Variants in TFF1 observed in about 807,000 individuals in gnomAD.
TFF1 encodes breast cancer estrogen-inducible protein.
Under a neutral mutation model 7.7 loss-of-function variants are expected in TFF1, and 8 were observed. The observed-to-expected ratio is 1.04, with a 90% CI of 0.61 to 1.87. TFF1 has a LOEUF of 1.87. Ranked by LOEUF, TFF1 falls within the 40% of genes most tolerant of loss-of-function variation. The pLI is 0.00. For synonymous variants in TFF1, 47 were observed against 44.8 expected (o/e 1.05, Z -0.19); for missense variants, 120 against 113.4 (o/e 1.06, Z -0.26).
chr21:42,363,537 C>T (rs576965436), intron 1 of TFF1, 130 bp from the exon 2 acceptor site: 3 of 1,213,250 alleles, frequency 2.5e-6, no homozygotes, highest in Non-Finnish European at 3.4e-6. Context: ...ATAAAACCCT[C>T]AGGACATGAG....
At chr21:42,366,319 G>A (rs2052278700) in intron 1 of TFF1, 92 bp downstream of exon 1, 4 of 949,488 alleles carry the variant, frequency 4.2e-6, no homozygotes, top group Non-Finnish European at 6.3e-6. Flanking sequence ...CACAAAACAG[G>A]TGCTCAAAAA....
intron 1 of TFF1, among the ~76,000 whole-genome samples, chr21:42,365,109 T>C (rs140909234): frequency 0.012 from 1,787 of 152,278 alleles, 12 homozygotes; most frequent in African/African-American, 0.019. Context: ...CACACACGAA[T>C]GCACTAAACT....
At chr21:42,363,089 T>C (rs572635463) in intron 2 of TFF1, among the ~76,000 whole-genome samples, 166 bp downstream of exon 2, 20 of 152,214 alleles carry the variant, frequency 1.3e-4, no homozygotes, top group Non-Finnish European at 2.4e-4. Context: ...TTTCTATTCC[T>C]GGACCTGAAT....
At chr21:42,366,281 A>C in intron 1 of TFF1, 130 bp downstream of exon 1, 1 of 617,050 alleles carries the variant, frequency 1.6e-6, no homozygotes, top group African/African-American at 1.8e-5. Context: ...AATTGGATAT[A>C]CTTTTAAGGG....
At chr21:42,362,776 G>A (rs534391784) in intron 2 of TFF1, among the ~76,000 whole-genome samples, 18 of 152,086 alleles carry the variant, frequency 1.2e-4, no homozygotes, top group African/African-American at 4.3e-4. Context: ...GCTGGGCGTA[G>A]TGGCACACAC....
chr21:42,363,432 A>C lies in TFF1; in HGVS notation c.86-25T>G, dbSNP rs1601504311. The stretch of plus-strand genomic sequence containing the variant: ...TCTGAAAGTGCACAGGTAAGAAGCA[A>C]AGTAAGTTGTGGGCTGAATTCCTTG... On this transcript the variant is annotated intron_variant, in intron 1 of 2. Coordinates refer to ENST00000291527, the MANE Select transcript of TFF1 (RefSeq NM_003225.3). The C allele has an allele frequency of 1.9e-6, 3 of 1,605,860 alleles. No homozygotes were observed. The African/African-American group carries it at 4.0e-5, about 22-fold the overall frequency.
At chr21:42,366,356 C>A (rs772675850) in intron 1 of TFF1, 55 bp downstream of exon 1, 9 of 1,414,552 alleles carry the variant, frequency 6.4e-6, no homozygotes, top group Non-Finnish European at 8.8e-6. Flanking sequence ...TGGCTCCTGG[C>A]GGAGGCTGCC....
chr21:42,366,192 C>A (rs1000936285), intron 1 of TFF1, among the ~76,000 whole-genome samples: 1 of 152,188 alleles, frequency 6.6e-6, no homozygotes, highest in African/African-American at 2.4e-5. Context: ...AGGCAGCCCC[C>A]TCCTCGTCGC....
chr21:42,362,645 C>T (rs960437248), intron 2 of TFF1, 150 bp from the exon 3 acceptor site: 7 of 937,172 alleles, frequency 7.5e-6, no homozygotes, highest in South Asian at 1.8e-5. Context: ...CGGTGGCTCA[C>T]GCCTGTAATC....
At chr21:42,365,185 T>C (rs368435074) in intron 1 of TFF1, among the ~76,000 whole-genome samples, 1 of 152,054 alleles carries the variant, frequency 6.6e-6, no homozygotes, top group African/African-American at 2.4e-5. Context: ...GCAAAGACGC[T>C]CTGAGCCTTG....
Position 42,366,530 on chromosome 21 carries a change from A to G in TFF1, c.-35T>C, listed in dbSNP as rs931817922. On this transcript the variant is annotated 5_prime_UTR_variant, in exon 1 of 3. Coordinates refer to ENST00000291527, the MANE Select transcript of TFF1 (RefSeq NM_003225.3). Reference sequence around the variant, plus strand: ...TCTGCTCCAAAGGCGACCCCGAGTCAGGGATGAGAGGCCGCCCGAGCCCCG... The same window carrying G: ...TCTGCTCCAAAGGCGACCCCGAGTCGGGGATGAGAGGCCGCCCGAGCCCCG... The G allele has an allele frequency of 6.4e-7, 1 of 1,573,704 alleles. No individual in the cohort carries two copies. Among genetic ancestry groups the G allele is most frequent in the Non-Finnish European group, 8.7e-7 (1 of 1,150,004 alleles).
At chr21:42,364,609 G>A (rs1442459905) in intron 1 of TFF1, among the ~76,000 whole-genome samples, 1 of 152,234 alleles carries the variant, frequency 6.6e-6, no homozygotes, top group African/African-American at 2.4e-5. Flanking sequence ...GTGGTTGACA[G>A]CCTGCAGCAG....
Position 42,366,523 on chromosome 21 carries a change from C to G in TFF1, c.-28G>C. 1 of 1,593,350 alleles carries G rather than the reference C, an allele frequency of 6.3e-7. No individual in the cohort carries two copies. On this transcript the variant is annotated 5_prime_UTR_variant, in exon 1 of 3. Coordinates refer to ENST00000291527, the MANE Select transcript of TFF1 (RefSeq NM_003225.3). ...CCTCCTCTCTGCTCCAAAGGCGACC[C>G]CGAGTCAGGGATGAGAGGCCGCCCG...
At chr21:42,364,209 G>A (rs1020666740) in intron 1 of TFF1, among the ~76,000 whole-genome samples, 2 of 152,250 alleles carry the variant, frequency 1.3e-5, no homozygotes, top group South Asian at 4.1e-4. Flanking sequence ...GGGTAACCAC[G>A]GGGGTAGGGC....
At chr21:42,364,497 G>A (rs1276659749) in intron 1 of TFF1, among the ~76,000 whole-genome samples, 1 of 152,226 alleles carries the variant, frequency 6.6e-6, no homozygotes, top group Non-Finnish European at 1.5e-5. Context: ...GGGGCTGGCT[G>A]GGGGCTGCCG....
At chr21:42,364,172 C>T (rs893015936) in intron 1 of TFF1, among the ~76,000 whole-genome samples, 7 of 151,446 alleles carry the variant, frequency 4.6e-5, no homozygotes, top group Non-Finnish European at 1.0e-4. Flanking sequence ...TGCGAGACAA[C>T]GCAAGGCCAT....
rs527745803 is a variant in TFF1 at position 42,363,587 on chromosome 21, C to T, written c.86-180G>A. ...CTCACATCCTGATGTGCAAACATTA[C>T]GCTCAGGGAAAATGCAAGGTGCCCC... is the stretch of plus-strand genomic sequence containing the variant. On this transcript the variant is annotated intron_variant, in intron 1 of 2. Coordinates refer to ENST00000291527, the MANE Select transcript of TFF1 (RefSeq NM_003225.3). Among the ~76,000 whole-genome samples the T allele has an allele frequency of 2.2e-4, 33 of 152,366 alleles. 1 individual carries two copies. In the South Asian group the frequency reaches 2.7e-3, roughly 12 times the overall value.
intron 1 of TFF1, among the ~76,000 whole-genome samples, chr21:42,364,112 A>AC (rs1381749495): frequency 1.3e-5 from 2 of 152,008 alleles, no homozygotes; most frequent in Non-Finnish European, 2.9e-5. Context: ...ATCTCAAAAA[A>AC]AAAAAAAAAA....
At chr21:42,364,583 A>C (rs1327749826) in intron 1 of TFF1, among the ~76,000 whole-genome samples, 1 of 152,200 alleles carries the variant, frequency 6.6e-6, no homozygotes, top group Non-Finnish European at 1.5e-5. Context: ...CTCAGAAAGC[A>C]ACCTATTAGG....
Sources: allele counts gnomAD v4.1 joint callset (sites outside exome capture counted in the v4.1 genomes callset), GRCh38; gene constraint gnomAD v4.1.1; transcripts MANE v1.5; gene names NCBI Gene and HGNC (gene_info 2026-07-23, HGNC 2026-07-21).